ACOT1: variants seen among roughly 807,000 people sequenced by gnomAD.
The protein encoded by ACOT1 is acyl-CoA thioesterase 1.
Under a neutral mutation model 15.7 loss-of-function variants are expected in ACOT1, and 8 were observed. The ratio of observed to expected loss-of-function variants is 0.51; its 90% CI spans 0.30 to 0.92. ACOT1 has a LOEUF of 0.92. ACOT1 is among the 40% of genes least tolerant of loss of function. The pLI is 0.06. For missense variants in ACOT1, 151 were observed against 539.4 expected, an observed-to-expected ratio of 0.28 and a Z score of 7.13; for synonymous variants, 67 against 241.2, an observed-to-expected ratio of 0.28 and a Z score of 6.69.
At chr14:73,508,011 G>T in the ACOT1 span, 2 of 902,982 alleles carry the variant, frequency 2.2e-6, no homozygotes, top group Non-Finnish European at 3.5e-6. Flanking sequence ...CTCCCGAAGT[G>T]TTGGGATTAC....
chr14:73,513,748 AAAAAAAAAAT>A, the ACOT1 span, among the ~76,000 whole-genome samples: 1 of 149,952 alleles, frequency 6.7e-6, no homozygotes, highest in African/African-American at 2.5e-5. Flanking sequence ...AAAAAAAAAA[AAAAAAAAAAT>A]GGTCTCTGCC....
the ACOT1 span, among the ~76,000 whole-genome samples, chr14:73,531,945 T>C: frequency 1.8e-5 from 2 of 114,068 alleles, 1 homozygote; most frequent in Non-Finnish European, 3.8e-5. Flanking sequence ...GGCAGGAGAA[T>C]CGCCTGGACC....
At chr14:73,493,032 T>A in the ACOT1 span, 1 of 1,600,750 alleles carries the variant, frequency 6.2e-7, no homozygotes, top group East Asian at 2.2e-5. Flanking sequence ...ACTCACGTTC[T>A]TACCTTGATA....
chr14:73,495,182 C>G, the ACOT1 span: 1 of 1,551,840 alleles, frequency 6.4e-7, no homozygotes, highest in Non-Finnish European at 8.8e-7. Context: ...CTGGAAGAGG[C>G]TTATTAAAGG....
chr14:73,543,737 T>C lies in ACOT1; in HGVS notation c.*82T>C. The C allele has an allele frequency of 1.3e-6, 1 of 754,532 alleles. No individual in the cohort carries two copies. Among genetic ancestry groups the C allele is most frequent in the Non-Finnish European group, 1.8e-6 (1 of 563,020 alleles). 46.7% of individuals were successfully genotyped at this position (754,532 alleles called of 1,614,324 possible). A position where few individuals can be genotyped will look rare whatever the true frequency, so the allele number is the denominator to read the frequency against. On this transcript the variant is annotated 3_prime_UTR_variant, in exon 3 of 3. Coordinates refer to ENST00000311148, the MANE Select transcript of ACOT1 (RefSeq NM_001037161.2). ...CATTTAGTGTGTGTATGTGTATTCA[T>C]TCTTTCTCATAACTTCTTAAAGTTT...
the ACOT1 span, chr14:73,513,956 G>T: frequency 6.9e-7 from 1 of 1,451,862 alleles, no homozygotes. Context: ...ATTTTTCAAA[G>T]ACTGAGAAAG....
chr14:73,499,683 AT>A, the ACOT1 span, among the ~76,000 whole-genome samples: 3 of 152,174 alleles, frequency 2.0e-5, no homozygotes, highest in African/African-American at 7.2e-5. Flanking sequence ...ATCTGGGGCC[AT>A]ATGGCTTCTC....
chr14:73,509,446 A>G, the ACOT1 span: 5 of 1,613,726 alleles, frequency 3.1e-6, no homozygotes, highest in Non-Finnish European at 4.2e-6. Flanking sequence ...AGGCAGTAGA[A>G]CCTCCGGCAA....
chr14:73,521,149 C>T, the ACOT1 span: 7 of 918,168 alleles, frequency 7.6e-6, no homozygotes, highest in African/African-American at 8.3e-5. Flanking sequence ...AGCTCCTATA[C>T]ACGTGAGCAT....
chr14:73,509,256 G>A, the ACOT1 span: 9 of 1,519,634 alleles, frequency 5.9e-6, no homozygotes, highest in Admixed American at 1.5e-4. Context: ...TGGGAAAGCT[G>A]ATAGTGAGAT....
At chr14:73,505,850 C>T in the ACOT1 span, among the ~76,000 whole-genome samples, 4 of 147,818 alleles carry the variant, frequency 2.7e-5, no homozygotes, top group Admixed American at 2.7e-4. Context: ...CTGATAAAGT[C>T]TGTTGATATT....
At chr14:73,501,706 C>G in the ACOT1 span, among the ~76,000 whole-genome samples, 2 of 151,352 alleles carry the variant, frequency 1.3e-5, no homozygotes, top group Non-Finnish European at 2.9e-5. Flanking sequence ...TCCCAAGTAG[C>G]TGGGACTACA....
chr14:73,531,262 A>C, the ACOT1 span: 4 of 110,602 alleles, frequency 3.6e-5, no homozygotes, highest in African/African-American at 1.2e-4. Flanking sequence ...CAAGCAACCA[A>C]CTCTTTAGAA....
At chr14:73,537,114 G>GC (rs1888887557), upstream of ACOT1, 4 of 255,110 alleles carry the variant, frequency 1.6e-5, 1 homozygote, top group Non-Finnish European at 2.7e-5. Flanking sequence ...CTCCCGAGTA[G>GC]CCGGGACGAA....
the ACOT1 span, among the ~76,000 whole-genome samples, chr14:73,496,872 A>G: frequency 1.3e-5 from 2 of 152,104 alleles, no homozygotes; most frequent in Admixed American, 6.6e-5. Flanking sequence ...TTGAGACAAT[A>G]TATTTGTGGG....
At chr14:73,522,541 G>A in the ACOT1 span, 1 of 1,614,174 alleles carries the variant, frequency 6.2e-7, no homozygotes. Flanking sequence ...CCAGCACAGT[G>A]GCCTCCCACG....
chr14:73,504,917 C>G, the ACOT1 span, among the ~76,000 whole-genome samples: 1 of 152,046 alleles, frequency 6.6e-6, no homozygotes, highest in Non-Finnish European at 1.5e-5. Context: ...TGAGCCCCAC[C>G]ATCTTCACCG....
At chr14:73,536,978 T>G, upstream of ACOT1, 2 of 63,856 alleles carry the variant, frequency 3.1e-5, no homozygotes, top group Non-Finnish European at 3.9e-5. Flanking sequence ...AGCTGCCTGG[T>G]TGTTGTTGTT....
the ACOT1 span, among the ~76,000 whole-genome samples, chr14:73,498,781 A>C: frequency 6.6e-6 from 1 of 152,214 alleles, no homozygotes; most frequent in Non-Finnish European, 1.5e-5. Flanking sequence ...AAGGAAAGCA[A>C]GATGCATCCA....
Sources: gnomAD v4.1 joint callset for allele counts (sites outside exome capture counted in the v4.1 genomes callset) on GRCh38, gnomAD v4.1.1 for gene constraint, MANE v1.5 for transcripts, NCBI Gene and HGNC (gene_info 2026-07-23, HGNC 2026-07-21) for gene names.